PPIL6: variants seen among roughly 807,000 people sequenced by gnomAD.
PPIL6 encodes the protein peptidylprolyl isomerase like 6.
A neutral mutation model predicts 36.8 loss-of-function variants in PPIL6; 39 were observed. The observed-to-expected ratio is 1.06, with a 90% CI of 0.82 to 1.38. The LOEUF is 1.38. Ranked by LOEUF, PPIL6 falls within the 40% of genes most tolerant of loss-of-function variation. The pLI is 0.00. For synonymous variants in PPIL6, 123 were observed against 134.1 expected (o/e 0.92, Z 0.57); for missense variants, 368 against 379.1 (o/e 0.97, Z 0.24).
chr6:109,435,629 A>G (rs909783666), intron 2 of PPIL6, among the ~76,000 whole-genome samples: 3 of 152,082 alleles, frequency 2.0e-5, no homozygotes, highest in Non-Finnish European at 2.9e-5. Flanking sequence ...AACAAGAACA[A>G]AAAACAGCTT....
rs567517121 is a variant in PPIL6 at position 109,400,047 on chromosome 6, A to G, written c.812T>C (p.Phe271Ser). ...LQATPYLDRK[F>S]VAFGQLIEGT... Reference sequence around the variant, plus strand: ...ACAATATACATACCCAAAAGCCACAAATTTTCTATCTAGATAAGGAGTTGC... The same window carrying G: ...ACAATATACATACCCAAAAGCCACAGATTTTCTATCTAGATAAGGAGTTGC... Residue 271 changes from phenylalanine (F) to serine (S), a missense_variant, in exon 7 of 8, where the codon TTT becomes TCT. Phe to Ser is a radical substitution (Grantham distance 155). Transcript: ENST00000521072. 2.0e-5 allele frequency: 33 copies of G among 1,611,394 alleles called. No individual in the cohort carries two copies. Among genetic ancestry groups the G allele is most frequent in the Non-Finnish European group, 2.7e-5 (32 of 1,178,346 alleles).
In PPIL6 at chr6:109,426,812, T is replaced by C. The variant is rs776365492; in HGVS notation, c.631+35A>G. ...AAAGTTTGGACCTTCTCATTTGATATTGCAATTAACTCGTATTTAAGATTT... is the reference window on the plus strand; with the variant it reads ...AAAGTTTGGACCTTCTCATTTGATACTGCAATTAACTCGTATTTAAGATTT... On this transcript the variant is annotated intron_variant, in intron 5 of 7. Coordinates refer to ENST00000521072, the MANE Select transcript of PPIL6 (RefSeq NM_173672.5). 7 of 1,398,432 alleles carry C rather than the reference T, an allele frequency of 5.0e-6. No individual in the cohort carries two copies. The African/African-American group carries it at 7.1e-5, about 14-fold the overall frequency. The allele number at this position is 1,398,432 out of a possible 1,614,324, so 86.6% of individuals were successfully genotyped here.
chr6:109,438,666 G>A (rs1457708812), intron 1 of PPIL6, among the ~76,000 whole-genome samples: 1 of 151,712 alleles, frequency 6.6e-6, no homozygotes, highest in Non-Finnish European at 1.5e-5. Context: ...TCAGCTCACC[G>A]AAACCTCCAC....
intron 2 of PPIL6, among the ~76,000 whole-genome samples, chr6:109,434,851 A>G (rs1016807640): frequency 6.6e-6 from 1 of 152,182 alleles, no homozygotes; most frequent in Non-Finnish European, 1.5e-5. Context: ...ATGCCACCTT[A>G]GCATTCTTCT....
At chr6:109,407,988 A>T (rs1363702615) in intron 6 of PPIL6, among the ~76,000 whole-genome samples, 1 of 152,162 alleles carries the variant, frequency 6.6e-6, no homozygotes, top group East Asian at 1.9e-4. Context: ...TAAATTCACA[A>T]ATAATAATAT....
intron 6 of PPIL6, among the ~76,000 whole-genome samples, chr6:109,410,138 C>T (rs937177681): frequency 6.6e-6 from 1 of 152,180 alleles, no homozygotes; most frequent in African/African-American, 2.4e-5. Flanking sequence ...CTGGAGAGAT[C>T]TTCACCCGTG....
Position 109,440,577 on chromosome 6 carries a change from T to G in PPIL6, c.14A>C (p.Gln5Pro). Residue 5 changes from glutamine to proline, a missense_variant, in exon 1 of 8, where the codon CAG (glutamine) becomes CCG (proline). By Grantham distance (76) the Gln-to-Pro change is moderately conservative. Coordinates refer to ENST00000521072, the MANE Select transcript of PPIL6 (RefSeq NM_173672.5). The part of the protein sequence containing the change: MARP[Q>P]PCGPPHARCG... ...CCTAGCGTGCGGGGGCCCGCACGGCTGCGGCCTTGCCATGGCCGCGCCCGG... is the reference window on the plus strand; with the variant it reads ...CCTAGCGTGCGGGGGCCCGCACGGCGGCGGCCTTGCCATGGCCGCGCCCGG... 1 of 1,404,774 alleles carries G rather than the reference T, an allele frequency of 7.1e-7. No individual in the cohort carries two copies. The allele number at this position is 1,404,774 out of a possible 1,614,324, so 87.0% of individuals were successfully genotyped here.
Position 109,427,680 on chromosome 6 carries a change from C to T in PPIL6, c.421-524G>A, listed in dbSNP as rs187248141. Among the ~76,000 whole-genome samples, 935 of 152,316 alleles carry T rather than the reference C, an allele frequency of 6.1e-3. 3 individuals carry two copies. The highest frequency in any genetic ancestry group is 9.6e-3 in the Non-Finnish European group (650 of 68,042). On this transcript the variant is annotated intron_variant, in intron 3 of 7. Coordinates refer to ENST00000521072, the MANE Select transcript of PPIL6 (RefSeq NM_173672.5). ...AAATTACAGGCGTGAGCTACCGCCG[C>T]ACCCAGCCCACATTATACATTTTAA...
intron 6 of PPIL6, among the ~76,000 whole-genome samples, chr6:109,412,466 G>A (rs920636914): frequency 6.6e-6 from 1 of 152,158 alleles, no homozygotes; most frequent in Non-Finnish European, 1.5e-5. Flanking sequence ...AAAACGGAAG[G>A]AATCACATTA....
rs541234932 is a variant in PPIL6 at position 109,397,144 on chromosome 6, A to G, written c.824+2891T>C. Among the ~76,000 whole-genome samples, 4 of 151,228 alleles carry G rather than the reference A, an allele frequency of 2.6e-5. No individual in the cohort carries two copies. The East Asian group carries it at 7.7e-4, about 29-fold the overall frequency. ...ATTTAAATATTCCAGCCCAGCCCCA[A>G]CTGTGATTTGGAGACTTTGTTTTTA... On this transcript the variant is annotated intron_variant, in intron 7 of 7. Coordinates refer to ENST00000521072, the MANE Select transcript of PPIL6 (RefSeq NM_173672.5).
intron 6 of PPIL6, among the ~76,000 whole-genome samples, chr6:109,409,279 A>G (rs909875199): frequency 3.9e-5 from 6 of 152,176 alleles, no homozygotes; most frequent in Admixed American, 2.6e-4. Flanking sequence ...GAAAGAGGTC[A>G]GGTCAGGTGC....
At position 109,427,238 on chromosome 6, in the gene PPIL6, T is replaced by TA. The variant is rs1773872316; in HGVS notation, c.421-83dup. Reference sequence around the variant, plus strand: ...CAGAAATGACCAAAAATACAGCAGATACAATATTTTTAGTGAAAAGATTTC... The same window carrying TA: ...CAGAAATGACCAAAAATACAGCAGATAACAATATTTTTAGTGAAAAGATTTC... On this transcript the variant is annotated intron_variant, in intron 3 of 7. Coordinates refer to ENST00000521072, the MANE Select transcript of PPIL6 (RefSeq NM_173672.5). 5 of 854,188 alleles carry TA rather than the reference T, an allele frequency of 5.9e-6. No individual in the cohort carries two copies. In the South Asian group the frequency reaches 8.3e-5, roughly 14 times the overall value. The allele number at this position is 854,188 out of a possible 1,614,324, so 52.9% of individuals were successfully genotyped here.
At chr6:109,399,799 C>A (rs995586326) in intron 7 of PPIL6, among the ~76,000 whole-genome samples, 4 of 152,162 alleles carry the variant, frequency 2.6e-5, no homozygotes, top group African/African-American at 9.7e-5. Flanking sequence ...CCTCAGCCTC[C>A]AAAAGTGCTG....
chr6:109,435,075 C>A (rs1422294797), intron 2 of PPIL6, among the ~76,000 whole-genome samples: 3 of 152,174 alleles, frequency 2.0e-5, no homozygotes, highest in African/African-American at 4.8e-5. Flanking sequence ...AACAGTCCCA[C>A]AGAAGCCCCT....
At chr6:109,440,120 G>GA (rs1002211252) in intron 1 of PPIL6, 5 of 353,566 alleles carry the variant, frequency 1.4e-5, no homozygotes, top group African/African-American at 4.6e-5. Flanking sequence ...TCTAATTAAA[G>GA]AAAAAATTGA....
intron 7 of PPIL6, among the ~76,000 whole-genome samples, chr6:109,399,415 T>C (rs1772435701): frequency 1.3e-5 from 2 of 151,220 alleles, no homozygotes; most frequent in South Asian, 4.2e-4. Flanking sequence ...GGCCTATTTA[T>C]TTATTTTTGA....
chr6:109,418,632 C>T (rs1216199893), intron 6 of PPIL6, among the ~76,000 whole-genome samples: 1 of 151,668 alleles, frequency 6.6e-6, no homozygotes, highest in Non-Finnish European at 1.5e-5. Flanking sequence ...CTGCAACCTC[C>T]ATGTCCCAGG....
intron 6 of PPIL6, among the ~76,000 whole-genome samples, chr6:109,416,458 C>T (rs1172658791): frequency 6.6e-6 from 1 of 151,082 alleles, no homozygotes; most frequent in Non-Finnish European, 1.5e-5. Flanking sequence ...CCGCCTCAGC[C>T]TCCCAAAGTG....
At position 109,420,066 on chromosome 6, in the gene PPIL6, T is replaced by G. The variant is rs1773461439; in HGVS notation, c.632-823A>C. ...GTATAAAAAATAGAGCCAGGCGCGG[T>G]GACACACCTGTAATCCCAGCACTTT... is the stretch of plus-strand genomic sequence containing the variant. On this transcript the variant is annotated intron_variant, in intron 5 of 7. Coordinates refer to ENST00000521072, the MANE Select transcript of PPIL6 (RefSeq NM_173672.5). Among the ~76,000 whole-genome samples, 4 of 151,624 alleles carry G rather than the reference T, an allele frequency of 2.6e-5. No individual in the cohort carries two copies. In the South Asian group the frequency reaches 8.3e-4, roughly 32 times the overall value.
Sources: allele counts gnomAD v4.1 joint callset (sites outside exome capture counted in the v4.1 genomes callset), GRCh38; gene constraint gnomAD v4.1.1; transcripts MANE v1.5; gene names NCBI Gene and HGNC (gene_info 2026-07-23, HGNC 2026-07-21).